Variants in BFSP1 observed in about 807,000 individuals in gnomAD.
The protein encoded by BFSP1 is filensin.
A neutral mutation model predicts 43.9 loss-of-function variants in BFSP1; 38 were observed. That is an observed-to-expected ratio of 0.87 (90% CI 0.67 to 1.14). The LOEUF (loss-of-function observed/expected upper bound fraction) is 1.14. Among genes scored for constraint, BFSP1 ranks in the 50% most tolerant of loss-of-function variants. The probability of loss-of-function intolerance (pLI) is 0.00; values close to 1 mark genes in which losing one functional copy is unlikely to be tolerated. For missense variants in BFSP1, 850 were observed against 875.1 expected, an observed-to-expected ratio of 0.97 and a Z score of 0.36; for synonymous variants, 352 against 354.8, an observed-to-expected ratio of 0.99 and a Z score of 0.09.
chr20:17,557,516 C>T (rs1392646502), intron 1 of BFSP1, among the ~76,000 whole-genome samples: 1 of 152,136 alleles, frequency 6.6e-6, no homozygotes, highest in African/African-American at 2.4e-5. Flanking sequence ...CCTCCTGGCT[C>T]AAGGGAAGTC....
chr20:17,524,951 C>G lies in BFSP1; in HGVS notation c.378-43G>C, dbSNP rs369212577. On this transcript the variant is annotated intron_variant, in intron 1 of 7. Coordinates refer to ENST00000377873, the MANE Select transcript of BFSP1 (RefSeq NM_001195.5). Reference sequence around the variant, plus strand: ...AAGTGAGAGTTGGGTAACTACCATGCTTTCACATGTATGGATCACATAATC... The same window carrying G: ...AAGTGAGAGTTGGGTAACTACCATGGTTTCACATGTATGGATCACATAATC... 1.8e-4 allele frequency: 274 copies of G among 1,522,094 alleles called. 2 individuals are homozygous for G. Among genetic ancestry groups the G allele is most frequent in the Non-Finnish European group, 2.2e-4 (243 of 1,096,508 alleles). The allele number at this position is 1,522,094 out of a possible 1,614,324, so 94.3% of individuals were successfully genotyped here. A position where few individuals can be genotyped will look rare whatever the true frequency, so the allele number is the denominator to read the frequency against.
At chr20:17,513,447 T>C (rs1363650252) in intron 3 of BFSP1, among the ~76,000 whole-genome samples, 1 of 152,206 alleles carries the variant, frequency 6.6e-6, no homozygotes, top group African/African-American at 2.4e-5. Flanking sequence ...TTATTTGAGC[T>C]GCTTCAAAAC....
intron 1 of BFSP1, chr20:17,565,866 C>T (rs1321328172): frequency 2.6e-5 from 4 of 152,170 alleles, no homozygotes; most frequent in Admixed American, 2.6e-4. Flanking sequence ...GCCTGTAATC[C>T]CAGCGCTATG....
intron 5 of BFSP1, among the ~76,000 whole-genome samples, chr20:17,503,185 A>G (rs2033844160): frequency 6.6e-6 from 1 of 150,600 alleles, no homozygotes; most frequent in Non-Finnish European, 1.5e-5. Flanking sequence ...CACCATGCCC[A>G]GCCAATTAAA....
intron 7 of BFSP1, 41 bp from the exon 8 acceptor site, chr20:17,495,070 CTG>C: frequency 6.5e-7 from 1 of 1,539,530 alleles, no homozygotes; most frequent in Non-Finnish European, 8.8e-7. Context: ...ATAATTGTCA[CTG>C]AGAGAGAAAG....
At chr20:17,514,862 T>A (rs747779582) in intron 2 of BFSP1, 46 bp from the exon 3 acceptor site, 2 of 1,573,662 alleles carry the variant, frequency 1.3e-6, no homozygotes, top group Non-Finnish European at 1.7e-6. Flanking sequence ...CCATGGAGCA[T>A]AGGGGTAAAG....
At chr20:17,539,679 T>C (rs1318818649) in intron 1 of BFSP1, among the ~76,000 whole-genome samples, 2 of 152,002 alleles carry the variant, frequency 1.3e-5, no homozygotes, top group East Asian at 1.9e-4. Context: ...GGTGGGAGGA[T>C]AGACTGAGCC....
upstream of BFSP1, among the ~76,000 whole-genome samples, chr20:17,560,048 T>C (rs2035052894): frequency 6.6e-6 from 1 of 152,060 alleles, no homozygotes; most frequent in Non-Finnish European, 1.5e-5. Context: ...CAGAGTTCCC[T>C]CATCAGGAAG....
intron 5 of BFSP1, among the ~76,000 whole-genome samples, chr20:17,504,255 A>G (rs889300636): frequency 6.6e-6 from 1 of 152,182 alleles, no homozygotes; most frequent in African/African-American, 2.4e-5. Context: ...AGTCCAGTGA[A>G]GTGATGACTT....
At chr20:17,540,154 T>C (rs2034693291) in intron 1 of BFSP1, among the ~76,000 whole-genome samples, 1 of 152,164 alleles carries the variant, frequency 6.6e-6, no homozygotes, top group Admixed American at 6.5e-5. Context: ...ATTCAAAGAA[T>C]GACCTATTCC....
At chr20:17,533,285 T>C (rs530735007), upstream of BFSP1, among the ~76,000 whole-genome samples, 2 of 152,356 alleles carry the variant, frequency 1.3e-5, no homozygotes, top group Admixed American at 6.5e-5. Flanking sequence ...GGTGCACATA[T>C]ACCATGCTGA....
intron 2 of BFSP1, chr20:17,517,321 T>C (rs570849376): frequency 3.8e-4 from 441 of 1,152,428 alleles, no homozygotes; most frequent in Non-Finnish European, 5.2e-4. Flanking sequence ...CTGTATGAGT[T>C]AATAAAAGAC....
chr20:17,563,908 G>C (rs1239979363), upstream of BFSP1, among the ~76,000 whole-genome samples: 5 of 134,294 alleles, frequency 3.7e-5, no homozygotes, highest in Non-Finnish European at 6.4e-5. Context: ...AAAAAAAAAA[G>C]AGGATACCCT....
At chr20:17,546,017 A>C (rs932879227) in intron 1 of BFSP1, among the ~76,000 whole-genome samples, 1 of 152,136 alleles carries the variant, frequency 6.6e-6, no homozygotes, top group East Asian at 1.9e-4. Context: ...ACTTACCTTG[A>C]ATTCTTTCCT....
chr20:17,517,777 C>T (rs1414504536), intron 2 of BFSP1, among the ~76,000 whole-genome samples: 4 of 152,136 alleles, frequency 2.6e-5, no homozygotes, highest in African/African-American at 9.7e-5. Context: ...GTGTATTTTA[C>T]ACTCATAACA....
chr20:17,501,134 T>C (rs1033590674), intron 5 of BFSP1, among the ~76,000 whole-genome samples: 3 of 152,332 alleles, frequency 2.0e-5, no homozygotes, highest in South Asian at 4.1e-4. Flanking sequence ...ACTGCAGGCA[T>C]TTCCTACATC....
Position 17,507,401 on chromosome 20 carries a change from T to C in BFSP1, c.735+1488A>G, listed in dbSNP as rs2033964535. Among the ~76,000 whole-genome samples, 1 of 152,140 alleles carries C rather than the reference T, an allele frequency of 6.6e-6. No individual in the cohort carries two copies. The highest frequency in any genetic ancestry group is 2.4e-5 in the African/African-American group (1 of 41,404). On this transcript the variant is annotated intron_variant, in intron 5 of 7. Transcript: ENST00000377873. The surrounding 1 kb of genome is among the most constrained non-coding windows in gnomAD (Gnocchi z 4.4). ...TTGCTGTACACTCTGTTTTTCTTAT[T>C]ATATTTTAGTCTAGCATTTTGTTGA...
At chr20:17,518,168 TG>T (rs1568695208) in intron 2 of BFSP1, among the ~76,000 whole-genome samples, 1 of 152,206 alleles carries the variant, frequency 6.6e-6, no homozygotes, top group Admixed American at 6.5e-5. Context: ...CTGAAGTTTT[TG>T]GGGGTTTTTG....
chr20:17,534,352 C>T (rs1421631252), upstream of BFSP1, among the ~76,000 whole-genome samples: 1 of 152,184 alleles, frequency 6.6e-6, no homozygotes, highest in Non-Finnish European at 1.5e-5. Flanking sequence ...GTGATTTAAC[C>T]TATCTAGTCC....
Sources: allele counts gnomAD v4.1 joint callset (sites outside exome capture counted in the v4.1 genomes callset), GRCh38; gene constraint gnomAD v4.1.1; non-coding constraint Gnocchi (gnomAD v3.1); transcripts MANE v1.5; gene names NCBI Gene and HGNC (gene_info 2026-07-23, HGNC 2026-07-21).